Variants in CAPN14 observed in about 807,000 individuals in gnomAD.
CAPN14 encodes the protein calpain 14, also known as calpain-14.
In CAPN14, 94 loss-of-function variants were observed where a neutral mutation model predicts 101.3. The observed-to-expected ratio is 0.93, with a 90% CI of 0.79 to 1.10. The LOEUF is 1.10. CAPN14 is among the 50% of genes least tolerant of loss of function. CAPN14 has a pLI of 0.00. For synonymous variants in CAPN14, 338 were observed against 317.9 expected (o/e 1.06, Z -0.67); for missense variants, 837 against 828.4 (o/e 1.01, Z -0.13).
intron 1 of CAPN14, among the ~76,000 whole-genome samples, chr2:31,231,115 T>A (rs1166768478): frequency 6.6e-6 from 1 of 152,224 alleles, no homozygotes. Context: ...GTTCTCCTTT[T>A]TCTGCCCTCC....
rs1683160913 is a variant in CAPN14, at chr2:31,230,615, T to G, written c.-177+3176A>C. On this transcript the variant is annotated intron_variant and NMD_transcript_variant, in intron 1 of 21. Coordinates refer to the CAPN14 transcript ENST00000398824. The surrounding 1 kb of genome is among the most constrained non-coding windows in gnomAD (Gnocchi z 4.3). ...ATTACTAATGAGATGCAACATGTTT[T>G]CTTGCGTTTATAGGGCATTCATGTA... is the stretch of plus-strand genomic sequence containing the variant. Among the ~76,000 whole-genome samples the G allele has an allele frequency of 6.6e-6, 1 of 152,244 alleles. No homozygotes were observed. The highest frequency in any genetic ancestry group is 2.4e-5 in the African/African-American group (1 of 41,456).
At chr2:31,212,608 A>G (rs1213044059) in intron 1 of CAPN14, among the ~76,000 whole-genome samples, 2 of 152,206 alleles carry the variant, frequency 1.3e-5, no homozygotes, top group African/African-American at 4.8e-5. Flanking sequence ...TAAGAAATAG[A>G]AAGGAATTTC....
chr2:31,209,208 G>T (rs114644732), intron 1 of CAPN14, among the ~76,000 whole-genome samples: 1 of 150,036 alleles, frequency 6.7e-6, no homozygotes, highest in South Asian at 2.1e-4. Flanking sequence ...AACTCCTGGC[G>T]TCAGGCAGTC....
intron 1 of CAPN14, among the ~76,000 whole-genome samples, chr2:31,207,692 G>A (rs1018985397): frequency 3.9e-5 from 6 of 152,166 alleles, no homozygotes; most frequent in Non-Finnish European, 5.9e-5. Context: ...ACTTGAGCCG[G>A]GAGGTAGAGT....
At chr2:31,221,079 C>T (rs190456559), upstream of CAPN14, among the ~76,000 whole-genome samples, 1 of 152,218 alleles carries the variant, frequency 6.6e-6, no homozygotes, top group Non-Finnish European at 1.5e-5. Flanking sequence ...AATTCCAAGA[C>T]CTAAGTTATT....
At position 31,189,764 on chromosome 2, in the gene CAPN14, T is replaced by C. The variant is rs1231820437; in HGVS notation, c.1288-286A>G. 4 of 515,036 alleles carry C rather than the reference T, an allele frequency of 7.8e-6. No homozygotes were observed. The East Asian group carries it at 1.6e-4, about 20-fold the overall frequency. 31.9% of individuals were successfully genotyped at this position (515,036 alleles called of 1,614,324 possible). On this transcript the variant is annotated intron_variant, in intron 12 of 21. Transcript: ENST00000403897. ...CACTAAATGATGTGAGGAATGTCCC[T>C]GTGCCTTCCATTTTATGGCTGAGGG...
intron 6 of CAPN14, 34 bp from the exon 7 acceptor site, chr2:31,199,566 T>C (rs1030755875): frequency 1.3e-6 from 2 of 1,522,654 alleles, no homozygotes; most frequent in Non-Finnish European, 1.8e-6. Context: ...ATCAGTCTTC[T>C]GTTATGTACA....
chr2:31,199,861 G>GT (rs1231354659), intron 6 of CAPN14, among the ~76,000 whole-genome samples: 1 of 152,168 alleles, frequency 6.6e-6, no homozygotes, highest in Admixed American at 6.5e-5. Context: ...CTGTTCCATT[G>GT]TTTCAAGTGT....
At chr2:31,181,328 G>C (rs1317298239) in intron 16 of CAPN14, among the ~76,000 whole-genome samples, 4 of 151,904 alleles carry the variant, frequency 2.6e-5, no homozygotes, top group Non-Finnish European at 1.5e-5. Flanking sequence ...AGGTCAACTT[G>C]TTCAAGCTCC....
intron 11 of CAPN14, among the ~76,000 whole-genome samples, 151 bp from the exon 12 acceptor site, chr2:31,191,558 C>T: frequency 6.6e-6 from 1 of 152,164 alleles, no homozygotes. Context: ...CCCACAAGAC[C>T]TGCTGTTCTA....
intron 1 of CAPN14, among the ~76,000 whole-genome samples, chr2:31,211,196 A>AAAAG (rs1245898795): frequency 3.5e-4 from 52 of 150,622 alleles, no homozygotes; most frequent in Non-Finnish European, 5.9e-4. Context: ...AAAGAAAGAA[A>AAAAG]AAAGAAAGAA....
At chr2:31,193,537 G>A (rs934795169) in intron 9 of CAPN14, among the ~76,000 whole-genome samples, 2 of 152,180 alleles carry the variant, frequency 1.3e-5, no homozygotes, top group African/African-American at 2.4e-5. Context: ...GGAAGCAGCC[G>A]GCCACATGGC....
chr2:31,181,591 A>T (rs1293526510), intron 16 of CAPN14, among the ~76,000 whole-genome samples: 1 of 147,970 alleles, frequency 6.8e-6, no homozygotes, highest in Non-Finnish European at 1.5e-5. Flanking sequence ...TTACGTATGT[A>T]TACATGTGCC....
intron 1 of CAPN14, among the ~76,000 whole-genome samples, chr2:31,210,522 TG>T (rs1255952501): frequency 6.6e-6 from 1 of 151,148 alleles, no homozygotes; most frequent in African/African-American, 2.5e-5. Flanking sequence ...TTTATACATT[TG>T]TTCTAATCAC....
chr2:31,211,641 C>T (rs1387787113), intron 1 of CAPN14, among the ~76,000 whole-genome samples: 1 of 148,204 alleles, frequency 6.7e-6, no homozygotes, highest in Non-Finnish European at 1.5e-5. Flanking sequence ...ATCATGGCCC[C>T]AATATTATTA....
At chr2:31,223,580 G>A (rs1282988347) in intron 2 of CAPN14, among the ~76,000 whole-genome samples, 4 of 147,180 alleles carry the variant, frequency 2.7e-5, no homozygotes, top group African/African-American at 1.0e-4. Context: ...CCAGGCTGGA[G>A]TGCAGTGGGA....
chr2:31,188,426 C>T (rs1271514305), intron 13 of CAPN14, 72 bp from the exon 14 acceptor site: 1 of 1,391,136 alleles, frequency 7.2e-7, no homozygotes, highest in Non-Finnish European at 9.9e-7. Flanking sequence ...TCCCCTTCTC[C>T]TGGGAGCTCG....
At chr2:31,181,521 T>A (rs1208515658) in intron 16 of CAPN14, among the ~76,000 whole-genome samples, 2 of 126,850 alleles carry the variant, frequency 1.6e-5, no homozygotes, top group East Asian at 4.1e-4. Context: ...TTTTTTTTAT[T>A]TTTTTATTTT....
rs1296909407 is a variant in CAPN14 at position 31,201,185 on chromosome 2, ATG to A, written c.552-562_552-561del. 9.7e-4 allele frequency among the ~76,000 whole-genome samples: 136 copies of A among 139,884 alleles called. 3 individuals are homozygous for A. In the South Asian group the frequency reaches 0.027, roughly 27 times the overall value. 91.8% of individuals were successfully genotyped at this position (139,884 alleles called of 152,430 possible). On this transcript the variant is annotated intron_variant, in intron 5 of 21. Coordinates refer to ENST00000403897, the MANE Select transcript of CAPN14 (RefSeq NM_001145122.2). ...TATGTGTGTGCGTGCATGTATGTGC[ATG>A]TGTGTGTGCATGTGTGTGTGTGCAT...
Sources: allele counts gnomAD v4.1 joint callset (sites outside exome capture counted in the v4.1 genomes callset), GRCh38; gene constraint gnomAD v4.1.1; non-coding constraint Gnocchi (gnomAD v3.1); transcripts MANE v1.5; gene names NCBI Gene and HGNC (gene_info 2026-07-23, HGNC 2026-07-21).